Variants in DMXL2 observed in about 807,000 individuals in gnomAD.
DMXL2 encodes the protein Dmx like 2, also known as dmX-like protein 2.
In DMXL2, 103 loss-of-function variants were observed where a neutral mutation model predicts 331.1. That is an observed-to-expected ratio of 0.31 (90% CI 0.27 to 0.37). The LOEUF is 0.37. Ranked by LOEUF, DMXL2 falls within the 10% of genes least tolerant of loss-of-function variation. DMXL2 has a pLI of 1.00. For synonymous variants in DMXL2, 1,281 were observed against 1,252.1 expected (o/e 1.02, Z -0.49); for missense variants, 3,171 against 3,642.9 (o/e 0.87, Z 3.33).
Position 51,542,459 on chromosome 15 carries a change from C to T in DMXL2, c.979G>A (p.Val327Ile), listed in dbSNP as rs887096747. The T allele has an allele frequency of 1.2e-6, 2 of 1,613,772 alleles. No homozygotes were observed. The highest frequency in any genetic ancestry group is 1.7e-6 in the Non-Finnish European group (2 of 1,179,808). ...NLRKGQRRSSVLVTHAELMPD... is the reference protein window; with the variant it reads ...NLRKGQRRSSILVTHAELMPD... Reference sequence around the variant, plus strand: ...ATTAATTCAGCATGAGTTACAAGAACAGATGACCTCCTCTGTCCTTTCCTT... The same window carrying T: ...ATTAATTCAGCATGAGTTACAAGAATAGATGACCTCCTCTGTCCTTTCCTT... The change falls in exon 9 of 44, where the codon GTT becomes ATT. Residue 327 changes from valine to isoleucine, a missense_variant. Around this residue, in one of 7 missense-constraint regions of DMXL2, gnomAD observed 1,674 missense variants for 1,780.2 expected, o/e 0.94. Coordinates refer to ENST00000560891, the MANE Select transcript of DMXL2 (RefSeq NM_001378457.1).
chr15:51,514,476 T>C lies in DMXL2; in HGVS notation c.2610A>G (p.Lys870=). The change falls in exon 15 of 44, where the codon AAA becomes AAG. Residue 870 remains lysine, a synonymous_variant. Coordinates refer to ENST00000560891, the MANE Select transcript of DMXL2 (RefSeq NM_001378457.1). ...GCTGAAAAAATATTTCTGTTTCCTTTTTCTCCATATCTTCCTTATGTGGTT... is the reference window on the plus strand; with the variant it reads ...GCTGAAAAAATATTTCTGTTTCCTTCTTCTCCATATCTTCCTTATGTGGTT... ...GYKPHKEDME[K]KETEIFFQPS... 2 of 1,584,182 alleles carry C rather than the reference T, an allele frequency of 1.3e-6. No individual in the cohort carries two copies. The highest frequency in any genetic ancestry group is 1.7e-6 in the Non-Finnish European group (2 of 1,163,238).
At chr15:51,618,919 C>T (rs2054462042) in intron 1 of DMXL2, among the ~76,000 whole-genome samples, 1 of 152,092 alleles carries the variant, frequency 6.6e-6, no homozygotes, top group Non-Finnish European at 1.5e-5. Flanking sequence ...TTTTTGTAAA[C>T]TTTGATCAAT....
At chr15:51,544,432 C>T (rs2048781008) in intron 8 of DMXL2, among the ~76,000 whole-genome samples, 1 of 152,194 alleles carries the variant, frequency 6.6e-6, no homozygotes, top group Non-Finnish European at 1.5e-5. Flanking sequence ...CAACCAGATT[C>T]TGGTGCCATG....
chr15:51,531,657 G>A (rs2048008167), intron 13 of DMXL2, among the ~76,000 whole-genome samples: 1 of 152,016 alleles, frequency 6.6e-6, no homozygotes, highest in South Asian at 2.1e-4. Flanking sequence ...TATATAAGAA[G>A]CTCAAACAAC....
intron 1 of DMXL2, among the ~76,000 whole-genome samples, chr15:51,605,226 C>T (rs553993400): frequency 1.2e-4 from 18 of 152,064 alleles, no homozygotes; most frequent in African/African-American, 3.9e-4. Context: ...TTTTAAACAG[C>T]GTCTCACTCT....
chr15:51,557,540 T>A (rs749089986), intron 6 of DMXL2, among the ~76,000 whole-genome samples: 4 of 152,102 alleles, frequency 2.6e-5, no homozygotes, highest in Non-Finnish European at 4.4e-5. Flanking sequence ...TTCTAAAATT[T>A]ATATAGAAAT....
In DMXL2 at chr15:51,474,243, T is replaced by C. The variant is rs2041376137; in HGVS notation, c.7213+101A>G. ...AACAAGAGTGATTATACTTTAAGCATCGCTTATTTTCAAAGTGAAATTTCT... is the reference window on the plus strand; with the variant it reads ...AACAAGAGTGATTATACTTTAAGCACCGCTTATTTTCAAAGTGAAATTTCT... On this transcript the variant is annotated intron_variant, in intron 28 of 43. Transcript: ENST00000560891. 3.6e-6 allele frequency: 4 copies of C among 1,111,180 alleles called. No homozygotes were observed. In the South Asian group the frequency reaches 4.9e-5, roughly 14 times the overall value. 68.8% of individuals were successfully genotyped at this position (1,111,180 alleles called of 1,614,324 possible).
chr15:51,496,613 T>A (rs529933913), intron 18 of DMXL2, among the ~76,000 whole-genome samples: 137 of 152,290 alleles, frequency 9.0e-4, no homozygotes, highest in African/African-American at 3.1e-3. Flanking sequence ...TTTAAAAGAA[T>A]CACTGGTTCC....
chr15:51,607,288 C>T (rs1400019312), intron 1 of DMXL2, among the ~76,000 whole-genome samples: 6 of 151,850 alleles, frequency 4.0e-5, no homozygotes, highest in Admixed American at 3.9e-4. Context: ...AACCCCGTCT[C>T]TACTAAAAAT....
At chr15:51,465,939 T>C (rs560409856) in intron 30 of DMXL2, among the ~76,000 whole-genome samples, 1 of 152,184 alleles carries the variant, frequency 6.6e-6, no homozygotes, top group Non-Finnish European at 1.5e-5. Context: ...AGTATATCCA[T>C]GAGTTACATA....
chr15:51,607,180 G>A (rs2053645540), intron 1 of DMXL2, among the ~76,000 whole-genome samples: 1 of 151,844 alleles, frequency 6.6e-6, no homozygotes, highest in Non-Finnish European at 1.5e-5. Flanking sequence ...AAAAAGGCCG[G>A]GCGCGGTGGC....
Position 51,500,204 on chromosome 15 carries a change from G to A in DMXL2, c.3020C>T (p.Pro1007Leu). The A allele has an allele frequency of 1.2e-6, 2 of 1,603,448 alleles. No homozygotes were observed. Among genetic ancestry groups the A allele is most frequent in the Non-Finnish European group, 8.5e-7 (1 of 1,175,928 alleles). ...AGHLSSSSIY[P>L]VCLAPYLVVT... ...CACTAAATAAGGTGCAAGGCACACT[G>A]GATAAATTGAAGAAGAACTCAGATG... The change falls in exon 18 of 44, where the codon CCA (proline) becomes CTA (leucine). Residue 1007 changes from proline (P) to leucine (L), a missense_variant. Around this residue, in one of 7 missense-constraint regions of DMXL2, gnomAD observed 1,674 missense variants for 1,780.2 expected, o/e 0.94. Transcript: ENST00000560891.
intron 13 of DMXL2, among the ~76,000 whole-genome samples, chr15:51,533,247 T>A (rs1032878337): frequency 4.6e-5 from 7 of 152,118 alleles, no homozygotes; most frequent in Admixed American, 2.6e-4. Context: ...GGTCTTGAAC[T>A]CATGGGGTCA....
At chr15:51,510,910 T>C (rs1476595511) in intron 15 of DMXL2, among the ~76,000 whole-genome samples, 1 of 152,170 alleles carries the variant, frequency 6.6e-6, no homozygotes, top group East Asian at 1.9e-4. Context: ...CCATCTGATC[T>C]TTGACAAACC....
chr15:51,603,435 T>C (rs1295323758), intron 1 of DMXL2, among the ~76,000 whole-genome samples: 1 of 152,050 alleles, frequency 6.6e-6, no homozygotes, highest in African/African-American at 2.4e-5. Context: ...GTCCTTTAAC[T>C]ATTAAATAAA....
intron 13 of DMXL2, among the ~76,000 whole-genome samples, 193 bp downstream of exon 13, chr15:51,535,470 T>A (rs2048236501): frequency 6.6e-6 from 1 of 152,196 alleles, no homozygotes; most frequent in Non-Finnish European, 1.5e-5. Flanking sequence ...GTGTGGTATG[T>A]ACACTAAAAT....
chr15:51,481,598 C>T lies in DMXL2; in HGVS notation c.5508G>A (p.Val1836=). 1 of 1,564,284 alleles carries T rather than the reference C, an allele frequency of 6.4e-7. No homozygotes were observed. Among genetic ancestry groups the T allele is most frequent in the Non-Finnish European group, 8.6e-7 (1 of 1,159,464 alleles). ...GAAGGTAGTTATAAAAACTAAATGC[C>T]ACCGGGTTACAAGACTTGATGATAA... is the stretch of plus-strand genomic sequence containing the variant. ...HQVIIKSCNP[V]AFSFYNYLRT... The change falls in exon 24 of 44, where the codon GTG becomes GTA. Residue 1836 remains valine (V), a synonymous_variant. Transcript: ENST00000560891.
intron 7 of DMXL2, 36 bp downstream of exon 7, chr15:51,547,194 G>A (rs745658434): frequency 7.3e-6 from 11 of 1,514,768 alleles, no homozygotes; most frequent in South Asian, 2.6e-5. Flanking sequence ...AACATTTAAG[G>A]ATGCAAACTA....
Position 51,481,251 on chromosome 15 carries a change from C to G in DMXL2, c.5855G>C (p.Trp1952Ser). The G allele has an allele frequency of 4.3e-6, 7 of 1,613,746 alleles. No individual in the cohort carries two copies. The highest frequency in any genetic ancestry group is 5.9e-6 in the Non-Finnish European group (7 of 1,179,854). ...SDGNGSSGIE[W>S]SNVTSSQYDW... ...ATACTGTGATGAAGTTACATTTGACCATTCAATGCCAGAACTTCCATTGCC... is the reference window on the plus strand; with the variant it reads ...ATACTGTGATGAAGTTACATTTGACGATTCAATGCCAGAACTTCCATTGCC... The change falls in exon 24 of 44, where the codon TGG becomes TCG. Residue 1952 changes from tryptophan (W) to serine (S), a missense_variant. Coordinates refer to ENST00000560891, the MANE Select transcript of DMXL2 (RefSeq NM_001378457.1).
Sources: allele counts gnomAD v4.1 joint callset (sites outside exome capture counted in the v4.1 genomes callset), GRCh38; gene constraint gnomAD v4.1.1; regional missense constraint gnomAD v4.1.1; transcripts MANE v1.5; gene names NCBI Gene and HGNC (gene_info 2026-07-23, HGNC 2026-07-21).